ELMO1: variants seen among roughly 807,000 people sequenced by gnomAD.
ELMO1 encodes engulfment and cell motility protein 1.
In ELMO1, 26 loss-of-function variants were observed where a neutral mutation model predicts 98.9. The observed-to-expected ratio is 0.26, with a 90% CI of 0.19 to 0.36. ELMO1 has a LOEUF of 0.36. Ranked by LOEUF, ELMO1 falls within the 10% of genes least tolerant of loss-of-function variation. ELMO1 has a pLI of 1.00. For missense variants in ELMO1, 627 were observed against 935.2 expected (o/e 0.67, Z 4.30); for synonymous variants, 346 against 346.0 (o/e 1.00, Z 0.00).
chr7:36,964,286 A>T (rs1443141655), intron 16 of ELMO1, among the ~76,000 whole-genome samples: 2 of 152,236 alleles, frequency 1.3e-5, no homozygotes, highest in Non-Finnish European at 2.9e-5. Context: ...AATGCTGAAC[A>T]TCATAGCTTA....
chr7:37,254,530 G>A (rs1202078005), intron 6 of ELMO1, among the ~76,000 whole-genome samples: 2 of 152,202 alleles, frequency 1.3e-5, no homozygotes, highest in Non-Finnish European at 2.9e-5. Flanking sequence ...AGGCTATGTG[G>A]CACAGCTTAT....
chr7:37,281,084 C>T lies in ELMO1; in HGVS notation c.193-9202G>A, dbSNP rs1465568910. 2.0e-5 allele frequency among the ~76,000 whole-genome samples: 3 copies of T among 151,618 alleles called. No individual in the cohort carries two copies. In the East Asian group the frequency reaches 5.8e-4, roughly 29 times the overall value. On this transcript the variant is annotated intron_variant, in intron 4 of 21. Transcript: ENST00000310758. ...AAAAGGAGTGAGTTAACAGCATTTT[C>T]AGCGACCAGATGAGATTGGAGACTA...
chr7:36,874,655 G>C (rs912717193), intron 19 of ELMO1, among the ~76,000 whole-genome samples: 1 of 152,224 alleles, frequency 6.6e-6, no homozygotes, highest in East Asian at 1.9e-4. Flanking sequence ...CACATGGGCA[G>C]GGTGAGCCAG....
rs55726613 is a variant in ELMO1, at chr7:37,201,265, C to T, written c.1086+10121G>A. ...TCCCTTTACTACCCTGCCCTCCTCACGTTATTACTGTCACATATTTTAATA... is the reference window on the plus strand; with the variant it reads ...TCCCTTTACTACCCTGCCCTCCTCATGTTATTACTGTCACATATTTTAATA... On this transcript the variant is annotated intron_variant, in intron 13 of 21. Transcript: ENST00000310758. Among the ~76,000 whole-genome samples, 405 of 152,322 alleles carry T rather than the reference C, an allele frequency of 2.7e-3. 4 individuals are homozygous for T. Among genetic ancestry groups the T allele is most frequent in the African/African-American group, 9.3e-3 (385 of 41,566 alleles).
rs1788471480 is a variant in ELMO1, at chr7:36,956,640, G to C, written c.1437+56659C>G. 3.9e-5 allele frequency among the ~76,000 whole-genome samples: 6 copies of C among 152,334 alleles called. No homozygotes were observed. The South Asian group carries it at 1.0e-3, about 26-fold the overall frequency. ...ACTAATTAGACTTGAAGACTACCAA[G>C]TGATGCCATCTTGTGACAGCTTATA... On this transcript the variant is annotated intron_variant, in intron 16 of 21. Transcript: ENST00000310758.
chr7:37,369,176 G>A (rs10238130), intron 1 of ELMO1, among the ~76,000 whole-genome samples: 12,428 of 152,202 alleles, frequency 0.082, 597 homozygotes, highest in South Asian at 0.17. Flanking sequence ...TCATATGGAA[G>A]CTTGATATGT....
chr7:36,970,686 T>C (rs1467275983), intron 16 of ELMO1, among the ~76,000 whole-genome samples: 1 of 152,196 alleles, frequency 6.6e-6, no homozygotes, highest in Non-Finnish European at 1.5e-5. Context: ...GACCACACTT[T>C]TACCACTCTT....
At chr7:37,247,895 ATG>A (rs58502667) in intron 6 of ELMO1, among the ~76,000 whole-genome samples, 1,561 of 146,534 alleles carry the variant, frequency 0.011, 13 homozygotes, top group Non-Finnish European at 0.013. Context: ...TTGAAATAAA[ATG>A]TGTGTGTGTG....
intron 13 of ELMO1, among the ~76,000 whole-genome samples, chr7:37,179,530 G>A (rs2129963218): frequency 6.6e-6 from 1 of 152,202 alleles, no homozygotes; most frequent in South Asian, 2.1e-4. Flanking sequence ...GCCTGCCTCG[G>A]CCTCCCAAAG....
At chr7:36,929,808 T>G (rs917570016) in intron 16 of ELMO1, among the ~76,000 whole-genome samples, 15 of 152,182 alleles carry the variant, frequency 9.9e-5, no homozygotes, top group Non-Finnish European at 1.9e-4. Flanking sequence ...AAACCATTAC[T>G]CCCAAGTGAG....
chr7:36,925,777 C>A (rs1785519835), intron 16 of ELMO1, among the ~76,000 whole-genome samples: 1 of 152,216 alleles, frequency 6.6e-6, no homozygotes, highest in Non-Finnish European at 1.5e-5. Context: ...TCTGACAAAT[C>A]ACCTACTCGT....
At chr7:37,128,811 C>T (rs1021044677) in intron 14 of ELMO1, among the ~76,000 whole-genome samples, 2 of 152,144 alleles carry the variant, frequency 1.3e-5, no homozygotes, top group African/African-American at 4.8e-5. Context: ...ATGTGCTAGG[C>T]TCTGTGCCAG....
At chr7:36,947,727 G>C (rs769528956) in intron 16 of ELMO1, among the ~76,000 whole-genome samples, 9 of 152,060 alleles carry the variant, frequency 5.9e-5, no homozygotes, top group Non-Finnish European at 1.2e-4. Flanking sequence ...CACCTCACCT[G>C]CTGCATTTCT....
chr7:37,044,187 ACT>A (rs1246471530), intron 15 of ELMO1, among the ~76,000 whole-genome samples: 2 of 152,076 alleles, frequency 1.3e-5, no homozygotes, highest in African/African-American at 2.4e-5. Flanking sequence ...TGGATTGACA[ACT>A]CTGTCACAGC....
At chr7:36,982,586 G>A (rs750679034) in intron 16 of ELMO1, among the ~76,000 whole-genome samples, 5 of 152,024 alleles carry the variant, frequency 3.3e-5, no homozygotes, top group Non-Finnish European at 4.4e-5. Context: ...TACATACCTC[G>A]TATAATACTA....
intron 4 of ELMO1, among the ~76,000 whole-genome samples, chr7:37,309,825 C>T (rs1025108095): frequency 3.3e-5 from 5 of 152,208 alleles, no homozygotes; most frequent in African/African-American, 1.2e-4. Flanking sequence ...TGTCCATCTC[C>T]TTTGATTCCC....
At chr7:37,348,515 CA>C (rs1432218409) in intron 1 of ELMO1, among the ~76,000 whole-genome samples, 1 of 152,068 alleles carries the variant, frequency 6.6e-6, no homozygotes, top group Admixed American at 6.5e-5. Flanking sequence ...CCTCGATATG[CA>C]TGTTAAGTGG....
chr7:36,994,224 C>T (rs954783683), intron 16 of ELMO1, among the ~76,000 whole-genome samples: 4 of 152,114 alleles, frequency 2.6e-5, no homozygotes, highest in African/African-American at 9.7e-5. Flanking sequence ...ATATCTTTTC[C>T]AAGCAGACTC....
intron 16 of ELMO1, among the ~76,000 whole-genome samples, chr7:36,900,356 C>A (rs1806400265): frequency 6.6e-6 from 1 of 152,130 alleles, no homozygotes; most frequent in African/African-American, 2.4e-5. Flanking sequence ...TATGATGGCC[C>A]ATAGTACTTA....
Sources: gnomAD v4.1 joint callset for allele counts (sites outside exome capture counted in the v4.1 genomes callset) on GRCh38, gnomAD v4.1.1 for gene constraint, MANE v1.5 for transcripts, NCBI Gene and HGNC (gene_info 2026-07-23, HGNC 2026-07-21) for gene names.